The following LRRIQ1 variants were observed in gnomAD, a reference collection of about 807,000 sequenced individuals.
The protein encoded by LRRIQ1 is leucine rich repeats and IQ motif containing 1.
LRRIQ1 carries 210 observed loss-of-function variants against 211.9 expected under a neutral mutation model. The ratio of observed to expected loss-of-function variants is 0.99; its 90% CI spans 0.89 to 1.11. The LOEUF (loss-of-function observed/expected upper bound fraction) is 1.11. LRRIQ1 is among the 50% of genes most tolerant of loss of function. The pLI, the probability that LRRIQ1 is intolerant of heterozygous loss-of-function variation, is 0.00. For missense variants in LRRIQ1, 2,136 were observed against 1,939.5 expected, an observed-to-expected ratio of 1.10 and a Z score of -1.90; for synonymous variants, 699 against 650.1, an observed-to-expected ratio of 1.08 and a Z score of -1.14.
chr12:85,072,752 C>G (rs897337179), intron 10 of LRRIQ1, among the ~76,000 whole-genome samples, 155 bp from the exon 11 acceptor site: 1 of 151,112 alleles, frequency 6.6e-6, no homozygotes, highest in African/African-American at 2.4e-5. Context: ...TATTTTTAAC[C>G]TTTTGAATCA....
chr12:85,180,502 A>G (rs2136878976), intron 24 of LRRIQ1, among the ~76,000 whole-genome samples: 1 of 151,974 alleles, frequency 6.6e-6, no homozygotes, highest in African/African-American at 2.4e-5. Flanking sequence ...GTTCAACCTA[A>G]TGGTTAGGAG....
At chr12:85,272,021 TC>T in the LRRIQ1 span, among the ~76,000 whole-genome samples, 1 of 152,252 alleles carries the variant, frequency 6.6e-6, no homozygotes, top group African/African-American at 2.4e-5. Context: ...TTTACAGGAT[TC>T]CATGGTGTTC....
At chr12:85,183,410 A>G (rs954810676) in intron 24 of LRRIQ1, among the ~76,000 whole-genome samples, 2 of 152,140 alleles carry the variant, frequency 1.3e-5, no homozygotes, top group Non-Finnish European at 2.9e-5. Flanking sequence ...TTAATTATCA[A>G]TAATGATTGT....
chr12:85,247,372 A>G (rs551352663), downstream of LRRIQ1, among the ~76,000 whole-genome samples: 3 of 151,772 alleles, frequency 2.0e-5, no homozygotes, highest in East Asian at 3.9e-4. Flanking sequence ...GGCCAAATCT[A>G]GAGAGTACTT....
At chr12:85,066,959 T>G in intron 10 of LRRIQ1, 61 bp downstream of exon 10, 2 of 981,858 alleles carry the variant, frequency 2.0e-6, no homozygotes, top group Non-Finnish European at 2.8e-6. Context: ...TGTGTTTTAT[T>G]TATTCCTTTT....
intron 23 of LRRIQ1, among the ~76,000 whole-genome samples, chr12:85,154,333 ATTGT>A (rs1170810410): frequency 1.3e-5 from 2 of 151,162 alleles, no homozygotes; most frequent in Non-Finnish European, 3.0e-5. Context: ...TTTGCTATTG[ATTGT>A]TCTAGCTATT....
chr12:85,056,787 T>C lies in LRRIQ1; in HGVS notation c.1994T>C (p.Ile665Thr). 6.2e-7 allele frequency: 1 copy of C among 1,609,434 alleles called. No individual in the cohort carries two copies. Among genetic ancestry groups the C allele is most frequent in the South Asian group, 1.1e-5 (1 of 89,972 alleles). Residue 665 changes from isoleucine to threonine, a missense_variant, in exon 8 of 27, where the codon ATA (isoleucine) becomes ACA (threonine). Transcript: ENST00000393217. ...IVIFNTTDTMINIEGKRNDQD... is the reference protein window; with the variant it reads ...IVIFNTTDTMTNIEGKRNDQD... ...ATTTTTAACACAACTGATACCATGA[T>C]AAATATAGAAGGCAAAAGAAATGAC...
At chr12:85,239,411 A>G (rs1895358489) in intron 26 of LRRIQ1, among the ~76,000 whole-genome samples, 1 of 151,716 alleles carries the variant, frequency 6.6e-6, no homozygotes, top group Non-Finnish European at 1.5e-5. Context: ...ACACACATAT[A>G]TGTATGTATA....
rs181844547 is a variant in LRRIQ1, at chr12:85,131,588, C to T, written c.4209+3555C>T. ...TAAAATAACATAGGATTTAATGTTA[C>T]TTAACATAGGATTTCATGTCACTAG... On this transcript the variant is annotated intron_variant, in intron 18 of 26. Coordinates refer to ENST00000393217, the MANE Select transcript of LRRIQ1 (RefSeq NM_001079910.2). Among the ~76,000 whole-genome samples the T allele has an allele frequency of 2.6e-3, 390 of 152,162 alleles. 4 individuals are homozygous for T. The highest frequency in any genetic ancestry group is 9.2e-3 in the African/African-American group (381 of 41,530).
chr12:85,223,911 TAGAC>T (rs1894523672), intron 24 of LRRIQ1, among the ~76,000 whole-genome samples: 1 of 148,128 alleles, frequency 6.8e-6, no homozygotes, highest in African/African-American at 2.7e-5. Context: ...AGACCATAAT[TAGAC>T]AGTATTGTTA....
Position 85,036,387 on chromosome 12 carries a change from A to G in LRRIQ1, c.-45A>G, listed in dbSNP as rs1032826190. ...ATGGGCGCTGTCTTACAACAAAGCC[A>G]AGGAATCTCGCTGCTGAGGGGTGAG... is the stretch of plus-strand genomic sequence containing the variant. On this transcript the variant is annotated 5_prime_UTR_variant, in exon 1 of 27. Transcript: ENST00000393217. The G allele has an allele frequency of 6.6e-6, 1 of 152,202 alleles. No homozygotes were observed. Among genetic ancestry groups the G allele is most frequent in the African/African-American group, 2.4e-5 (1 of 41,436 alleles). 9.4% of individuals were successfully genotyped at this position (152,202 alleles called of 1,614,324 possible).
intron 24 of LRRIQ1, among the ~76,000 whole-genome samples, chr12:85,177,145 G>A (rs1160275578): frequency 6.6e-6 from 1 of 152,118 alleles, no homozygotes; most frequent in East Asian, 1.9e-4. Context: ...CTACAAGAAT[G>A]AGCTCACCTT....
At position 85,262,501 on chromosome 12, in the gene LRRIQ1, C is replaced by T. The variant is rs867538041; in HGVS notation, c.122-414C>T. Among the ~76,000 whole-genome samples the T allele has an allele frequency of 5.3e-5, 8 of 151,766 alleles. 1 individual carries two copies. The Middle Eastern group carries it at 0.014, about 258-fold the overall frequency. On this transcript the variant is annotated intron_variant, in intron 1 of 1. Transcript: ENST00000602731. ...TTTCTGAAAAAGACCTTCATTCAAC[C>T]GGACTATTTATAAGACAAATGTTAA...
rs542657588 is a variant in LRRIQ1 at position 85,054,235 on chromosome 12, C to A, written c.754-1312C>A. Among the ~76,000 whole-genome samples the A allele has an allele frequency of 2.0e-5, 3 of 152,144 alleles. No individual in the cohort carries two copies. The South Asian group carries it at 6.2e-4, about 32-fold the overall frequency. On this transcript the variant is annotated intron_variant, in intron 7 of 26. Transcript: ENST00000393217. Reference sequence around the variant, plus strand: ...TACTTTCAAATGCGATACACAATTTCCAAGGAGGAGAGATACAAAGAAAAT... The same window carrying A: ...TACTTTCAAATGCGATACACAATTTACAAGGAGGAGAGATACAAAGAAAAT...
chr12:85,209,267 C>G (rs1893718628), intron 24 of LRRIQ1, among the ~76,000 whole-genome samples: 1 of 152,164 alleles, frequency 6.6e-6, no homozygotes, highest in Admixed American at 6.5e-5. Flanking sequence ...AGGAAACTTG[C>G]AATCATGGCA....
chr12:85,259,080 T>C (rs905512669), intron 1 of LRRIQ1, among the ~76,000 whole-genome samples: 5 of 151,980 alleles, frequency 3.3e-5, no homozygotes, highest in African/African-American at 1.2e-4. Context: ...TCTTGAAAAA[T>C]AGAGCATAAT....
intron 24 of LRRIQ1, among the ~76,000 whole-genome samples, chr12:85,171,830 C>T (rs539400551): frequency 2.6e-5 from 4 of 152,220 alleles, no homozygotes; most frequent in South Asian, 2.1e-4. Context: ...AGGAGAGAAG[C>T]CTCTGAAGAA....
At chr12:85,066,155 A>C (rs1882405404) in intron 9 of LRRIQ1, among the ~76,000 whole-genome samples, 1 of 151,904 alleles carries the variant, frequency 6.6e-6, no homozygotes, top group Non-Finnish European at 1.5e-5. Context: ...TCTGGCTTAT[A>C]ATGATTCACA....
chr12:85,159,468 A>T (rs565750143), intron 23 of LRRIQ1: 1 of 152,156 alleles, frequency 6.6e-6, no homozygotes, highest in Admixed American at 6.6e-5. Context: ...AAATGATCTC[A>T]TTAATTTGTA....
Sources: gnomAD v4.1 joint callset for allele counts (sites outside exome capture counted in the v4.1 genomes callset) on GRCh38, gnomAD v4.1.1 for gene constraint, MANE v1.5 for transcripts, NCBI Gene and HGNC (gene_info 2026-07-23, HGNC 2026-07-21) for gene names.